Variants in TBC1D22A observed in about 807,000 individuals in gnomAD.
TBC1D22A encodes putative GTPase activator.
In TBC1D22A, 38 loss-of-function variants were observed where a neutral mutation model predicts 60.2. The ratio of observed to expected loss-of-function variants is 0.63; its 90% CI spans 0.49 to 0.83. TBC1D22A has a LOEUF of 0.83. Among genes scored for constraint, TBC1D22A ranks in the 40% least tolerant of loss-of-function variants. TBC1D22A has a pLI of 0.00. For synonymous variants in TBC1D22A, 302 were observed against 281.7 expected, an observed-to-expected ratio of 1.07 and a Z score of -0.72; for missense variants, 628 against 701.0, an observed-to-expected ratio of 0.90 and a Z score of 1.18.
chr22:46,762,857 G>T lies in TBC1D22A; in HGVS notation c.62+9G>T, dbSNP rs547173901. The T allele has an allele frequency of 4.8e-6, 7 of 1,469,264 alleles. No homozygotes were observed. The highest frequency in any genetic ancestry group is 4.2e-5 in the South Asian group (3 of 72,048). 91.0% of individuals were successfully genotyped at this position (1,469,264 alleles called of 1,614,324 possible). A position where few individuals can be genotyped will look rare whatever the true frequency, so the allele number is the denominator to read the frequency against. On this transcript the variant is annotated intron_variant, in intron 1 of 12. Coordinates refer to ENST00000337137, the MANE Select transcript of TBC1D22A (RefSeq NM_014346.5). ...AGCAAGCTCCCGGGCAGGTGGGTGT[G>T]CCGCGGAGGGCCAGGTCGGGGTCAG...
At chr22:47,001,712 C>A (rs1010093761) in intron 10 of TBC1D22A, among the ~76,000 whole-genome samples, 11 of 152,000 alleles carry the variant, frequency 7.2e-5, no homozygotes, top group Non-Finnish European at 1.2e-4. Context: ...AAATTTAATT[C>A]TTTTATATAA....
intron 4 of TBC1D22A, among the ~76,000 whole-genome samples, chr22:46,856,034 G>A (rs550897005): frequency 6.6e-6 from 1 of 152,314 alleles, no homozygotes; most frequent in African/African-American, 2.4e-5. Flanking sequence ...GTGGACAGAG[G>A]GAGTCCCTCG....
At chr22:46,966,864 G>A (rs1055574889) in intron 8 of TBC1D22A, among the ~76,000 whole-genome samples, 1 of 152,168 alleles carries the variant, frequency 6.6e-6, no homozygotes, top group African/African-American at 2.4e-5. Flanking sequence ...TCCTGACTGC[G>A]GGTCTGCTTG....
intron 10 of TBC1D22A, among the ~76,000 whole-genome samples, chr22:47,013,782 C>A (rs548266915): frequency 1.3e-5 from 2 of 152,230 alleles, no homozygotes; most frequent in Non-Finnish European, 2.9e-5. Context: ...CTCTCTACCC[C>A]CTCGTCTCTC....
intron 10 of TBC1D22A, among the ~76,000 whole-genome samples, chr22:47,017,768 C>T (rs1488057918): frequency 3.9e-5 from 6 of 152,110 alleles, no homozygotes; most frequent in Non-Finnish European, 8.8e-5. Context: ...GGGTAAGGGG[C>T]CTCTTAGTTC....
At chr22:47,039,895 T>C (rs1228465892) in intron 11 of TBC1D22A, among the ~76,000 whole-genome samples, 1 of 144,754 alleles carries the variant, frequency 6.9e-6, no homozygotes, top group African/African-American at 2.6e-5. Flanking sequence ...GTGTCTTCCA[T>C]GGCTGGAGCA....
chr22:47,172,713 G>A (rs1432635191), intron 12 of TBC1D22A, among the ~76,000 whole-genome samples: 2 of 152,206 alleles, frequency 1.3e-5, no homozygotes, highest in African/African-American at 4.8e-5. Context: ...ATAAATGGTG[G>A]CCCCATTTTG....
intron 4 of TBC1D22A, among the ~76,000 whole-genome samples, chr22:46,840,597 G>A (rs2147212873): frequency 6.6e-6 from 1 of 152,260 alleles, no homozygotes; most frequent in East Asian, 1.9e-4. Context: ...GCTGGGCATG[G>A]TAGTGTGCGC....
intron 10 of TBC1D22A, among the ~76,000 whole-genome samples, chr22:47,031,736 G>A (rs1398225035): frequency 6.6e-6 from 1 of 152,166 alleles, no homozygotes; most frequent in African/African-American, 2.4e-5. Context: ...CCTCACAGGT[G>A]AGGGGCCGGG....
chr22:47,034,793 A>G (rs1158093998), intron 10 of TBC1D22A, among the ~76,000 whole-genome samples: 1 of 152,182 alleles, frequency 6.6e-6, no homozygotes. Flanking sequence ...TATCCTAACA[A>G]CTGATGACGA....
chr22:46,978,015 T>G (rs2074370997), intron 9 of TBC1D22A, among the ~76,000 whole-genome samples: 2 of 152,268 alleles, frequency 1.3e-5, no homozygotes, highest in Non-Finnish European at 2.9e-5. Flanking sequence ...GTGGGACTCC[T>G]TAACAGCAAA....
intron 12 of TBC1D22A, among the ~76,000 whole-genome samples, chr22:47,120,594 C>G (rs1455118738): frequency 6.6e-6 from 1 of 152,224 alleles, no homozygotes; most frequent in African/African-American, 2.4e-5. Flanking sequence ...GGTAGAAGGC[C>G]TGGGGCTGGA....
intron 8 of TBC1D22A, among the ~76,000 whole-genome samples, chr22:46,968,297 A>G (rs1313929095): frequency 2.6e-5 from 4 of 152,128 alleles, no homozygotes; most frequent in Non-Finnish European, 5.9e-5. Flanking sequence ...GCCCTGGTTC[A>G]TGGCCAGGCT....
At chr22:47,138,633 C>T in intron 12 of TBC1D22A, among the ~76,000 whole-genome samples, 2 of 152,320 alleles carry the variant, frequency 1.3e-5, no homozygotes, top group African/African-American at 2.4e-5. Context: ...GCCAAATCTG[C>T]GTGCTTTGCA....
intron 1 of TBC1D22A, among the ~76,000 whole-genome samples, chr22:46,766,551 T>G (rs2083293924): frequency 6.6e-6 from 1 of 152,106 alleles, no homozygotes. Flanking sequence ...CTTTTTTATT[T>G]TTGAGATGGA....
At chr22:46,792,716 G>A (rs2084467564) in intron 2 of TBC1D22A, 140 bp downstream of exon 2, 2 of 1,569,240 alleles carry the variant, frequency 1.3e-6, no homozygotes, top group Admixed American at 1.8e-5. Flanking sequence ...CACTGATCAA[G>A]CAGTCGCTTT....
At chr22:47,109,410 A>G (rs779699640) in intron 11 of TBC1D22A, among the ~76,000 whole-genome samples, 1 of 152,222 alleles carries the variant, frequency 6.6e-6, no homozygotes, top group Non-Finnish European at 1.5e-5. Context: ...GGATGTATGC[A>G]GGGCACTGTA....
At chr22:46,937,839 G>T (rs1365707955) in intron 8 of TBC1D22A, among the ~76,000 whole-genome samples, 1 of 150,274 alleles carries the variant, frequency 6.7e-6, no homozygotes, top group Non-Finnish European at 1.5e-5. Context: ...TAACAAAAAA[G>T]TTGAAAAAGT....
At chr22:47,097,848 G>T (rs1203247319) in intron 11 of TBC1D22A, among the ~76,000 whole-genome samples, 1 of 152,000 alleles carries the variant, frequency 6.6e-6, no homozygotes, top group African/African-American at 2.4e-5. Context: ...ATTCTGCAGG[G>T]GTGGGCTCCC....
Sources: allele counts gnomAD v4.1 joint callset (sites outside exome capture counted in the v4.1 genomes callset), GRCh38; gene constraint gnomAD v4.1.1; transcripts MANE v1.5; gene names NCBI Gene and HGNC (gene_info 2026-07-23, HGNC 2026-07-21).